The following GATA4 variants were observed in gnomAD, a reference collection of about 807,000 sequenced individuals.
GATA4 encodes transcription factor GATA-4.
A neutral mutation model predicts 37.9 loss-of-function variants in GATA4; 7 were observed. That is an observed-to-expected ratio of 0.18 (90% confidence interval 0.11 to 0.35). GATA4 has a LOEUF of 0.35. GATA4 is among the 10% of genes least tolerant of loss of function. GATA4 has a pLI of 1.00. For synonymous variants in GATA4, 372 were observed against 292.6 expected, an observed-to-expected ratio of 1.27 and a Z score of -2.77; for missense variants, 647 against 653.0, an observed-to-expected ratio of 0.99 and a Z score of 0.10.
At chr8:11,743,481 G>T (rs921902520) in intron 2 of GATA4, among the ~76,000 whole-genome samples, 3 of 152,232 alleles carry the variant, frequency 2.0e-5, no homozygotes, top group Non-Finnish European at 4.4e-5. Flanking sequence ...GAGCAGACCA[G>T]GCTCTGTGGC....
chr8:11,678,053 AT>A (rs1301831029), intron 1 of GATA4, among the ~76,000 whole-genome samples: 68 of 143,382 alleles, frequency 4.7e-4, no homozygotes, highest in African/African-American at 1.4e-3. Context: ...AATAATAATA[AT>A]AATAAATAGG....
chr8:11,722,271 C>G (rs1800711450), intron 2 of GATA4, among the ~76,000 whole-genome samples: 1 of 152,172 alleles, frequency 6.6e-6, no homozygotes. Context: ...TACTCACTTT[C>G]CCCCACACAG....
At chr8:11,677,138 G>A (rs1798811006) in intron 1 of GATA4, 1 of 152,562 alleles carries the variant, frequency 6.6e-6, no homozygotes, top group Admixed American at 6.5e-5. Context: ...GGAAGGCTTG[G>A]GGAGTCTCCT....
At chr8:11,723,907 C>T (rs925985340) in intron 2 of GATA4, among the ~76,000 whole-genome samples, 2 of 152,296 alleles carry the variant, frequency 1.3e-5, no homozygotes, top group Admixed American at 6.5e-5. Flanking sequence ...ACCATCACCC[C>T]CAGCAGTCTC....
chr8:11,740,680 A>G (rs1484765755), intron 2 of GATA4, among the ~76,000 whole-genome samples: 2 of 152,144 alleles, frequency 1.3e-5, no homozygotes, highest in African/African-American at 2.4e-5. Flanking sequence ...GTTTTCAAAT[A>G]GAAATGTAGA....
intron 2 of GATA4, among the ~76,000 whole-genome samples, chr8:11,726,686 C>T (rs914181186): frequency 1.3e-5 from 2 of 152,232 alleles, no homozygotes; most frequent in South Asian, 4.1e-4. Flanking sequence ...CAGTTGGAGG[C>T]CTTGGGAGGC....
intron 1 of GATA4, among the ~76,000 whole-genome samples, chr8:11,685,376 G>T (rs1799103741): frequency 6.6e-6 from 1 of 152,206 alleles, no homozygotes; most frequent in Admixed American, 6.5e-5. Context: ...TTTCCAAATG[G>T]ACTATGACAA....
At chr8:11,697,768 G>C in intron 1 of GATA4, 2 of 985,436 alleles carry the variant, frequency 2.0e-6, no homozygotes, top group Non-Finnish European at 2.4e-6. Context: ...CTGCCTGGGC[G>C]TCTTCTCCAA....
chr8:11,690,761 C>T (rs1799284907), upstream of GATA4, among the ~76,000 whole-genome samples: 1 of 152,314 alleles, frequency 6.6e-6, no homozygotes, highest in South Asian at 2.1e-4. Flanking sequence ...CTCCTCGCTA[C>T]TCCGGAGGCC....
chr8:11,751,397 T>A (rs1011680933), intron 4 of GATA4, among the ~76,000 whole-genome samples: 14 of 152,156 alleles, frequency 9.2e-5, no homozygotes, highest in African/African-American at 2.9e-4. Flanking sequence ...TATGTAGAGA[T>A]TGGTCACATG....
At chr8:11,701,058 C>A (rs73203479), upstream of GATA4, among the ~76,000 whole-genome samples, 1 of 152,204 alleles carries the variant, frequency 6.6e-6, no homozygotes, top group Non-Finnish European at 1.5e-5. Flanking sequence ...GTACACAATA[C>A]GCAGCGTACA....
intron 2 of GATA4, among the ~76,000 whole-genome samples, chr8:11,732,618 C>T (rs1585648144): frequency 6.6e-6 from 1 of 152,134 alleles, no homozygotes. Flanking sequence ...TTCATGAACA[C>T]GTCAGGTGAA....
chr8:11,712,157 A>T (rs28473684), intron 2 of GATA4, among the ~76,000 whole-genome samples: 14,493 of 152,322 alleles, frequency 0.095, 754 homozygotes, highest in South Asian at 0.13. Flanking sequence ...CCCTTCATAA[A>T]TGATGGTTAT....
rs537001752 is a variant in GATA4 at position 11,757,871 on chromosome 8, C to T, written c.1150-422C>T. On this transcript the variant is annotated intron_variant, in intron 6 of 6. Transcript: ENST00000532059. ...GTCTCTGCTCTTAACTGAAGGAGGC[C>T]GTGTCTTAGTGAGCTTCTTATTGTC... Among the ~76,000 whole-genome samples the T allele has an allele frequency of 9.8e-5, 15 of 152,308 alleles. No individual in the cohort carries two copies. The South Asian group carries it at 2.3e-3, about 23-fold the overall frequency.
chr8:11,688,285 C>T (rs187198126), upstream of GATA4, among the ~76,000 whole-genome samples: 1,192 of 152,270 alleles, frequency 7.8e-3, 12 homozygotes, highest in South Asian at 0.017. Flanking sequence ...AAGAATAATA[C>T]TTGGGAACAT....
chr8:11,688,140 G>T (rs966143940), upstream of GATA4, among the ~76,000 whole-genome samples: 1 of 152,188 alleles, frequency 6.6e-6, no homozygotes. Flanking sequence ...TTTCCAAGGT[G>T]CAAGTTATAA....
intron 2 of GATA4, among the ~76,000 whole-genome samples, chr8:11,712,258 G>T (rs534979085): frequency 6.6e-6 from 1 of 152,200 alleles, no homozygotes; most frequent in Admixed American, 6.5e-5. Flanking sequence ...GGGATTGTTC[G>T]TGGTAAACCT....
In GATA4 at chr8:11,758,745, A is replaced by G. The variant is rs1802735759; in HGVS notation, c.*270A>G. ...CCTGTGAGTTGGAGACTTCTTTCCCAAGATGTCCTTGTCCCCTGCGTTCCC... is the reference window on the plus strand; with the variant it reads ...CCTGTGAGTTGGAGACTTCTTTCCCGAGATGTCCTTGTCCCCTGCGTTCCC... On this transcript the variant is annotated 3_prime_UTR_variant, in exon 7 of 7. Transcript: ENST00000532059. 13 of 513,668 alleles carry G rather than the reference A, an allele frequency of 2.5e-5. No individual in the cohort carries two copies. The South Asian group carries it at 2.6e-4, about 10-fold the overall frequency. The allele number at this position is 513,668 out of a possible 1,614,324, so 31.8% of individuals were successfully genotyped here. A position where few individuals can be genotyped will look rare whatever the true frequency, so the allele number is the denominator to read the frequency against.
At position 11,707,550 on chromosome 8, in the gene GATA4, A is replaced by T. The variant is rs1229894636; in HGVS notation, c.-457-306A>T. Among the ~76,000 whole-genome samples, 1 of 152,182 alleles carries T rather than the reference A, an allele frequency of 6.6e-6. No homozygotes were observed. The highest frequency in any genetic ancestry group is 2.4e-5 in the African/African-American group (1 of 41,444). On this transcript the variant is annotated intron_variant, in intron 1 of 6. Coordinates refer to ENST00000532059, the MANE Select transcript of GATA4 (RefSeq NM_001308093.3). This position sits in a 1 kb window ranked among gnomAD's most constrained non-coding sequence, Gnocchi z 4.7. ...TGCTTGCAGAATAAGGTAACATTAAAGTCCTTCCTGACAAGCAATACAAAA... is the reference window on the plus strand; with the variant it reads ...TGCTTGCAGAATAAGGTAACATTAATGTCCTTCCTGACAAGCAATACAAAA...
Sources: allele counts gnomAD v4.1 joint callset (sites outside exome capture counted in the v4.1 genomes callset), GRCh38; gene constraint gnomAD v4.1.1; non-coding constraint Gnocchi (gnomAD v3.1); transcripts MANE v1.5; gene names NCBI Gene and HGNC (gene_info 2026-07-23, HGNC 2026-07-21).